Variants in OPCML observed in about 807,000 individuals in gnomAD.
The protein encoded by OPCML is opioid binding protein/cell adhesion molecule like, also known as opioid-binding protein/cell adhesion molecule.
Under a neutral mutation model 37.8 loss-of-function variants are expected in OPCML, and 13 were observed. The observed-to-expected ratio is 0.34, with a 90% confidence interval of 0.22 to 0.55. The LOEUF is 0.55. OPCML is among the 20% of genes least tolerant of loss of function. The pLI, the probability that OPCML is intolerant of heterozygous loss-of-function variation, is 0.91. For missense variants in OPCML, 341 were observed against 435.6 expected, an observed-to-expected ratio of 0.78 and a Z score of 1.93; for synonymous variants, 176 against 168.8, an observed-to-expected ratio of 1.04 and a Z score of -0.33.
chr11:133,430,566 C>A (rs1769534128), intron 1 of OPCML, among the ~76,000 whole-genome samples: 1 of 152,082 alleles, frequency 6.6e-6, no homozygotes, highest in Non-Finnish European at 1.5e-5. Context: ...ACGTACAATT[C>A]ATTGGATTGA....
chr11:133,281,700 G>A (rs1306214472), intron 1 of OPCML, among the ~76,000 whole-genome samples: 1 of 151,946 alleles, frequency 6.6e-6, no homozygotes, highest in Admixed American at 6.6e-5. Context: ...AGGAAGATGA[G>A]GAGAAGTTTG....
chr11:133,305,905 C>A (rs1315034896), intron 1 of OPCML, among the ~76,000 whole-genome samples: 2 of 152,130 alleles, frequency 1.3e-5, no homozygotes, highest in Admixed American at 1.3e-4. Context: ...AACGACTCAC[C>A]AGTAATTTGA....
At chr11:132,696,278 A>C (rs1190809750) in intron 2 of OPCML, among the ~76,000 whole-genome samples, 1 of 152,186 alleles carries the variant, frequency 6.6e-6, no homozygotes, top group Non-Finnish European at 1.5e-5. Flanking sequence ...CTCAGTAGGA[A>C]GAAGGATCTA....
At position 132,591,913 on chromosome 11, in the gene OPCML, C is replaced by G. The variant is rs190846420; in HGVS notation, c.380-62727G>C. Among the ~76,000 whole-genome samples the G allele has an allele frequency of 2.1e-3, 320 of 152,222 alleles. 1 individual carries two copies. The highest frequency in any genetic ancestry group is 7.4e-3 in the African/African-American group (306 of 41,526). On this transcript the variant is annotated intron_variant, in intron 3 of 7. Transcript: ENST00000524381. ...TTGATACTATATAGTGGGGATAAAG[C>G]TGTGCCCAGTTTTGCAGTGTAGCAA...
chr11:132,834,988 T>TAAAAA (rs11300115), intron 2 of OPCML, among the ~76,000 whole-genome samples: 2,744 of 142,902 alleles, frequency 0.019, 32 homozygotes, highest in Middle Eastern at 0.033. Flanking sequence ...TGGCACTTTG[T>TAAAAA]AAAAAAAAAA....
rs1198287170 is a variant in OPCML, at chr11:133,173,648, C to T, written c.62-230638G>A. On this transcript the variant is annotated intron_variant, in intron 1 of 7. Coordinates refer to ENST00000524381, the MANE Select transcript of OPCML (RefSeq NM_001012393.5). This position sits in a 1 kb window ranked among gnomAD's most constrained non-coding sequence, Gnocchi z 7.8. ...AAAAATTAGCAGTAACGCGATGAGG[C>T]TAACGTAAGGGTAGACACCTCCCTG... 1.3e-5 allele frequency among the ~76,000 whole-genome samples: 2 copies of T among 152,176 alleles called. No individual in the cohort carries two copies. The highest frequency in any genetic ancestry group is 2.9e-5 in the Non-Finnish European group (2 of 68,034).
At chr11:133,395,866 G>A (rs1945273698) in intron 1 of OPCML, among the ~76,000 whole-genome samples, 1 of 152,088 alleles carries the variant, frequency 6.6e-6, no homozygotes, top group African/African-American at 2.4e-5. Flanking sequence ...GGCTATTCTG[G>A]GTCTTTTGTG....
chr11:133,484,027 A>G (rs1947464221), intron 1 of OPCML, among the ~76,000 whole-genome samples: 3 of 131,366 alleles, frequency 2.3e-5, no homozygotes. Flanking sequence ...ATAGATGGAC[A>G]GATTAGATAG....
At position 132,539,006 on chromosome 11, in the gene OPCML, A is replaced by G. The variant is rs553719195; in HGVS notation, c.380-9820T>C. Among the ~76,000 whole-genome samples the G allele has an allele frequency of 4.6e-5, 7 of 152,348 alleles. 1 individual carries two copies. In the South Asian group the frequency reaches 1.4e-3, roughly 32 times the overall value. On this transcript the variant is annotated intron_variant, in intron 3 of 7. Transcript: ENST00000524381. Reference sequence around the variant, plus strand: ...ACAGATAAATGTATGTCTGTGTTCCATGACAACATATGTATAACGATGTAA... The same window carrying G: ...ACAGATAAATGTATGTCTGTGTTCCGTGACAACATATGTATAACGATGTAA...
At chr11:132,944,283 C>A (rs762791619) in intron 1 of OPCML, among the ~76,000 whole-genome samples, 5 of 152,190 alleles carry the variant, frequency 3.3e-5, no homozygotes, top group Admixed American at 6.5e-5. Flanking sequence ...CTTCCCTCGC[C>A]GATGCCAGCG....
Position 132,689,650 on chromosome 11 carries a change from C to T in OPCML, c.147-32331G>A, listed in dbSNP as rs74403543. On this transcript the variant is annotated intron_variant, in intron 2 of 7. Coordinates refer to ENST00000524381, the MANE Select transcript of OPCML (RefSeq NM_001012393.5). ...ACGAGGTGTCATGAGGCAGGAAGAG[C>T]AGTACTGCACAGAATTTGATAACAG... 1.1e-3 allele frequency among the ~76,000 whole-genome samples: 172 copies of T among 152,312 alleles called. 4 individuals carry two copies. In the East Asian group the frequency reaches 0.028, roughly 24 times the overall value.
chr11:133,236,623 A>G (rs1940528825), intron 1 of OPCML, among the ~76,000 whole-genome samples: 1 of 152,210 alleles, frequency 6.6e-6, no homozygotes, highest in Admixed American at 6.5e-5. Flanking sequence ...TAAAGAAATC[A>G]ATGTATGTTA....
At chr11:133,282,885 C>A (rs1342374952) in intron 1 of OPCML, among the ~76,000 whole-genome samples, 1 of 152,198 alleles carries the variant, frequency 6.6e-6, no homozygotes, top group Non-Finnish European at 1.5e-5. Flanking sequence ...GAGTTTGAGA[C>A]TTGTGTGTGG....
intron 4 of OPCML, among the ~76,000 whole-genome samples, chr11:132,486,821 C>T (rs2096201384): frequency 6.6e-6 from 1 of 152,074 alleles, no homozygotes; most frequent in African/African-American, 2.4e-5. Flanking sequence ...TTTAGCAAAG[C>T]TTAACCAAGG....
intron 1 of OPCML, among the ~76,000 whole-genome samples, chr11:133,315,247 A>G (rs1338432933): frequency 6.6e-6 from 1 of 152,156 alleles, no homozygotes; most frequent in Non-Finnish European, 1.5e-5. Context: ...TTTAAAGTGG[A>G]ATCTAATGAC....
intron 1 of OPCML, among the ~76,000 whole-genome samples, chr11:133,272,855 G>A (rs1167343367): frequency 6.6e-6 from 1 of 152,200 alleles, no homozygotes; most frequent in East Asian, 1.9e-4. Flanking sequence ...ACCCGGAGAA[G>A]CCAAGTTTCT....
intron 1 of OPCML, among the ~76,000 whole-genome samples, chr11:133,291,453 C>T (rs957192084): frequency 2.6e-5 from 4 of 152,188 alleles, no homozygotes; most frequent in Admixed American, 6.5e-5. Flanking sequence ...TGGTGGTCAG[C>T]CTGCTGCTGG....
intron 1 of OPCML, among the ~76,000 whole-genome samples, chr11:133,069,076 A>G (rs982265441): frequency 2.0e-5 from 3 of 152,220 alleles, no homozygotes; most frequent in Non-Finnish European, 4.4e-5. Flanking sequence ...TTACTGAGAC[A>G]TTAGTGAAGA....
chr11:132,767,533 A>T (rs1946489240), intron 2 of OPCML, among the ~76,000 whole-genome samples: 1 of 152,176 alleles, frequency 6.6e-6, no homozygotes, highest in African/African-American at 2.4e-5. Context: ...TCTGGCAGTC[A>T]TGGGGACTGA....
Sources: gnomAD v4.1 joint callset for allele counts (sites outside exome capture counted in the v4.1 genomes callset) on GRCh38, gnomAD v4.1.1 for gene constraint, Gnocchi (gnomAD v3.1) non-coding constraint, MANE v1.5 for transcripts, NCBI Gene and HGNC (gene_info 2026-07-23, HGNC 2026-07-21) for gene names.